Variants in GBP1 observed in about 807,000 individuals in gnomAD.
GBP1 encodes the protein guanylate binding protein 1, also known as guanylate-binding protein 1.
GBP1 carries 64 observed loss-of-function variants against 69.5 expected under a neutral mutation model. The ratio of observed to expected loss-of-function variants is 0.92; its 90% CI spans 0.75 to 1.13. The LOEUF is 1.13. GBP1 is among the 50% of genes most tolerant of loss of function. The pLI is 0.00. For missense variants in GBP1, 630 were observed against 704.1 expected (o/e 0.89, Z 1.19); for synonymous variants, 250 against 261.2 (o/e 0.96, Z 0.41).
At position 89,053,586 on chromosome 1, in the gene GBP1, A is replaced by T. The variant is rs570890316; in HGVS notation, c.1666-118T>A. 2.7e-5 allele frequency: 39 copies of T among 1,455,092 alleles called. No homozygotes were observed. In the African/African-American group the frequency reaches 4.4e-4, roughly 16 times the overall value. 90.1% of individuals were successfully genotyped at this position (1,455,092 alleles called of 1,614,324 possible). On this transcript the variant is annotated intron_variant, in intron 10 of 10. Transcript: ENST00000370473. ...ATTTTCTCTGAGTCACGCAAGACGT[A>T]AATGTCATACTTTGGCCTATCATTG... is the stretch of plus-strand genomic sequence containing the variant.
At chr1:89,060,622 T>C (rs527984630) in intron 2 of GBP1, among the ~76,000 whole-genome samples, 2 of 152,370 alleles carry the variant, frequency 1.3e-5, no homozygotes, top group African/African-American at 4.8e-5. Context: ...TGAAACGTCA[T>C]AGCTTTTCCT....
Position 89,056,044 on chromosome 1 carries a change from T to C in GBP1, c.1340A>G (p.Tyr447Cys). 1 of 1,614,004 alleles carries C rather than the reference T, an allele frequency of 6.2e-7. No homozygotes were observed. Among genetic ancestry groups the C allele is most frequent in the Non-Finnish European group, 8.5e-7 (1 of 1,179,864 alleles). The change falls in exon 8 of 11, where the codon TAC (tyrosine) becomes TGC (cysteine). Residue 447 changes from tyrosine (Y) to cysteine (C), a missense_variant. Coordinates refer to ENST00000370473, the MANE Select transcript of GBP1 (RefSeq NM_002053.3). The stretch of plus-strand genomic sequence containing the variant: ...TATCCCCTTCCTCGGTTCCTCATAG[T>C]ACTTTTTCTTCAGGTCTTGTAGCTT... The part of the protein sequence containing the change: ...VQKLQDLKKK[Y>C]YEEPRKGIQA...
Position 89,063,070 on chromosome 1 carries a change from C to A in GBP1, c.165G>T (p.Met55Ile). The part of the protein sequence containing the change: ...GLYRTGKSYL[M>I]NKLAGKKKGF... ...CCTTTTTCTTTCCAGCCAGCTTGTTCATCAGGTAGGATTTGCCTGTGCGGT... is the reference window on the plus strand; with the variant it reads ...CCTTTTTCTTTCCAGCCAGCTTGTTAATCAGGTAGGATTTGCCTGTGCGGT... Residue 55 changes from methionine (M) to isoleucine (I), a missense_variant, in exon 2 of 11, where the codon ATG becomes ATT. Around this residue, in one of 5 missense-constraint regions of GBP1, gnomAD observed 131 missense variants for 138.5 expected, o/e 0.95. Transcript: ENST00000370473. 6.2e-6 allele frequency: 10 copies of A among 1,614,078 alleles called. No individual in the cohort carries two copies. Among genetic ancestry groups the A allele is most frequent in the Non-Finnish European group, 8.5e-6 (10 of 1,179,962 alleles).
chr1:89,053,471 A>T lies in GBP1; in HGVS notation c.1666-3T>A, dbSNP rs1679969126. On this transcript the variant is annotated splice_region_variant and splice_polypyrimidine_tract_variant and intron_variant, in intron 10 of 10. Coordinates refer to ENST00000370473, the MANE Select transcript of GBP1 (RefSeq NM_002053.3). Reference sequence around the variant, plus strand: ...TCTTTTAGTAGTTGCTCCTGTTCCTAAAAAGGGACAAACGAAGGCTGAGTA... The same window carrying T: ...TCTTTTAGTAGTTGCTCCTGTTCCTTAAAAGGGACAAACGAAGGCTGAGTA... The T allele has an allele frequency of 6.2e-7, 1 of 1,612,046 alleles. No individual in the cohort carries two copies. Among genetic ancestry groups the T allele is most frequent in the Non-Finnish European group, 8.5e-7 (1 of 1,179,376 alleles).
chr1:89,054,284 T>A (rs1482297095), intron 10 of GBP1, among the ~76,000 whole-genome samples: 2 of 152,088 alleles, frequency 1.3e-5, no homozygotes, highest in Non-Finnish European at 1.5e-5. Flanking sequence ...GTATTTTTAG[T>A]AGTGACGGGA....
At chr1:89,064,772 A>G (rs140789496) in intron 1 of GBP1, among the ~76,000 whole-genome samples, 88 of 152,320 alleles carry the variant, frequency 5.8e-4, no homozygotes, top group African/African-American at 2.0e-3. Flanking sequence ...TCTTAGCTGC[A>G]TAGAAGCAGG....
At chr1:89,056,797 C>A in intron 7 of GBP1, 57 bp downstream of exon 7, 1 of 1,540,364 alleles carries the variant, frequency 6.5e-7, no homozygotes, top group Non-Finnish European at 8.8e-7. Context: ...GTTTTCTTTC[C>A]TTGTGGTACT....
Position 89,060,258 on chromosome 1 carries a change from G to C in GBP1, c.257C>G (p.Pro86Arg), listed in dbSNP as rs1233477840. The part of the protein sequence containing the change: ...KGIWMWCVPH[P>R]KKPGHILVLL... ...AACTAGGATGTGGCCTGGCTTCTTGGGGTGGGGCACACACCACATCCAGAT... is the reference window on the plus strand; with the variant it reads ...AACTAGGATGTGGCCTGGCTTCTTGCGGTGGGGCACACACCACATCCAGAT... Residue 86 changes from proline to arginine, a missense_variant, in exon 3 of 11, where the codon CCC becomes CGC. Around this residue, in one of 5 missense-constraint regions of GBP1, gnomAD observed 131 missense variants for 138.5 expected, o/e 0.95. Transcript: ENST00000370473. The C allele has an allele frequency of 6.2e-7, 1 of 1,602,422 alleles. No individual in the cohort carries two copies. The highest frequency in any genetic ancestry group is 8.5e-7 in the Non-Finnish European group (1 of 1,175,170).
At position 89,064,228 on chromosome 1, in the gene GBP1, TGTGTGTGTGTGTGA is replaced by T. The variant is rs1354933200; in HGVS notation, c.-20+918_-20+931del. Among the ~76,000 whole-genome samples, 840 of 109,572 alleles carry T rather than the reference TGTGTGTGTGTGTGA, an allele frequency of 7.7e-3. 2 individuals are homozygous for T. The highest frequency in any genetic ancestry group is 0.025 in the African/African-American group (788 of 31,282). The allele number at this position is 109,572 out of a possible 152,430, so 71.9% of individuals were successfully genotyped here. A position where few individuals can be genotyped will look rare whatever the true frequency, so the allele number is the denominator to read the frequency against. ...GTGTGTGTGTGTGTGTGTGTGTGTG[TGTGTGTGTGTGTGA>T]GAGAGAGAGAGAGAGAGAGAGAGAG... On this transcript the variant is annotated intron_variant, in intron 1 of 10. Coordinates refer to ENST00000370473, the MANE Select transcript of GBP1 (RefSeq NM_002053.3).
chr1:89,062,972 A>G, intron 2 of GBP1, 73 bp downstream of exon 2: 1 of 1,565,762 alleles, frequency 6.4e-7, no homozygotes, highest in Non-Finnish European at 8.8e-7. Flanking sequence ...TTCTCTCCTC[A>G]CATCTTCATA....
Position 89,059,037 on chromosome 1 carries a change from C to T in GBP1, c.435G>A (p.Val145=). ...ATCGGATTCTATGTGTCAGCTCTGT[C>T]ACATAGCTGAGTAGCTAACTAAGGA... ...NQQAMDQLYY[V]TELTHRIRSK... Residue 145 remains valine, a synonymous_variant, in exon 5 of 11, where the codon GTG becomes GTA. Transcript: ENST00000370473. The T allele has an allele frequency of 6.2e-7, 1 of 1,614,122 alleles. No homozygotes were observed. Among genetic ancestry groups the T allele is most frequent in the Non-Finnish European group, 8.5e-7 (1 of 1,180,016 alleles).
intron 5 of GBP1, 125 bp from the exon 6 acceptor site, chr1:89,058,359 T>C: frequency 1.2e-6 from 1 of 820,198 alleles, no homozygotes; most frequent in Non-Finnish European, 1.9e-6. Flanking sequence ...ACTCTGTTAT[T>C]GAAGCATGAC....
intron 2 of GBP1, among the ~76,000 whole-genome samples, chr1:89,061,260 A>G (rs1173525399): frequency 2.6e-5 from 4 of 152,186 alleles, no homozygotes; most frequent in Non-Finnish European, 5.9e-5. Flanking sequence ...GGAGTCTCAC[A>G]GTTTCTGAGT....
chr1:89,056,112 C>A lies in GBP1; in HGVS notation c.1272G>T (p.Ala424=). The A allele has an allele frequency of 6.2e-7, 1 of 1,613,928 alleles. No homozygotes were observed. Residue 424 remains alanine (A), a synonymous_variant, in exon 8 of 11, where the codon GCG becomes GCT. Coordinates refer to ENST00000370473, the MANE Select transcript of GBP1 (RefSeq NM_002053.3). The part of the protein sequence containing the change: ...IFSPLEEEVK[A]GIYSKPGGYR... ...AGCCCCCTGGTTTCGAATAAATTCC[C>A]GCCTTCACTTCTTCTTCTAGAGGAC...
Position 89,053,224 on chromosome 1 carries a change from C to A in GBP1, c.*131G>T. ...AAAAAACATGATTTTGATCATTGTA[C>A]CACATGCCTTTATAAACTTTTGGTG... On this transcript the variant is annotated 3_prime_UTR_variant, in exon 11 of 11. Transcript: ENST00000370473. 3.4e-6 allele frequency: 2 copies of A among 584,002 alleles called. No homozygotes were observed. The highest frequency in any genetic ancestry group is 3.5e-5 in the Admixed American group (1 of 28,734). 36.2% of individuals were successfully genotyped at this position (584,002 alleles called of 1,614,324 possible). A position where few individuals can be genotyped will look rare whatever the true frequency, so the allele number is the denominator to read the frequency against.
intron 6 of GBP1, among the ~76,000 whole-genome samples, 184 bp downstream of exon 6, chr1:89,057,808 T>C (rs560148480): frequency 4.5e-4 from 69 of 152,370 alleles, no homozygotes; most frequent in Middle Eastern, 6.8e-3. Flanking sequence ...AGAACTTTTT[T>C]CCTTTGGCCT....
rs774299269 is a variant in GBP1 at position 89,055,914 on chromosome 1, C to CAAACA, written c.1368+97_1368+101dup. On this transcript the variant is annotated intron_variant, in intron 8 of 10. Coordinates refer to ENST00000370473, the MANE Select transcript of GBP1 (RefSeq NM_002053.3). ...ATTGAATAAAAGCATGAATGTTATG[C>CAAACA]AAACAAAAAAGCACATCTGTATGCA... 1.6e-4 allele frequency: 218 copies of CAAACA among 1,382,422 alleles called. 13 individuals are homozygous for CAAACA. The highest frequency in any genetic ancestry group is 4.6e-4 in the East Asian group (20 of 43,666). The allele number at this position is 1,382,422 out of a possible 1,614,324, so 85.6% of individuals were successfully genotyped here.
At position 89,063,176 on chromosome 1, in the gene GBP1, C is replaced by T. The variant is rs758858682; in HGVS notation, c.59G>A (p.Arg20Gln). Reference protein sequence around the residue: ...PMCLIENTNGRLMANPEALKI... With the variant: ...PMCLIENTNGQLMANPEALKI... ...CAGAGCTTCTGGATTCGCCATCAGT[C>T]GCCCATTAGTGTTCTCAATGAGGCA... The change falls in exon 2 of 11, where the codon CGA becomes CAA. Residue 20 changes from arginine to glutamine, a missense_variant. By Grantham distance (43) the Arg-to-Gln change is conservative. This residue lies in a region of GBP1 where 131 missense variants were observed against 138.5 expected (regional missense o/e 0.95). Transcript: ENST00000370473. The T allele has an allele frequency of 1.2e-5, 20 of 1,613,974 alleles. No individual in the cohort carries two copies. Among genetic ancestry groups the T allele is most frequent in the African/African-American group, 9.3e-5 (7 of 74,916 alleles).
At chr1:89,053,934 T>C (rs1370925269) in intron 10 of GBP1, among the ~76,000 whole-genome samples, 3 of 152,230 alleles carry the variant, frequency 2.0e-5, no homozygotes, top group Non-Finnish European at 4.4e-5. Flanking sequence ...TCTAATTTCA[T>C]AGTAGGTGTC....
Sources: allele counts gnomAD v4.1 joint callset (sites outside exome capture counted in the v4.1 genomes callset), GRCh38; gene constraint gnomAD v4.1.1; regional missense constraint gnomAD v4.1.1; transcripts MANE v1.5; gene names NCBI Gene and HGNC (gene_info 2026-07-23, HGNC 2026-07-21).